Variants in CHRM3 observed in about 807,000 individuals in gnomAD.
CHRM3 encodes the protein cholinergic receptor muscarinic 3.
A neutral mutation model predicts 41.8 loss-of-function variants in CHRM3; 11 were observed. The ratio of observed to expected loss-of-function variants is 0.26; its 90% CI spans 0.17 to 0.44. The LOEUF is 0.44. Among genes scored for constraint, CHRM3 ranks in the 20% least tolerant of loss-of-function variants. CHRM3 has a pLI of 1.00. For synonymous variants in CHRM3, 297 were observed against 301.4 expected, an observed-to-expected ratio of 0.99 and a Z score of 0.15; for missense variants, 571 against 745.4, an observed-to-expected ratio of 0.77 and a Z score of 2.72.
chr1:239,572,733 C>G (rs1558329671), intron 3 of CHRM3, among the ~76,000 whole-genome samples: 1 of 152,090 alleles, frequency 6.6e-6, no homozygotes, highest in Non-Finnish European at 1.5e-5. Flanking sequence ...AATAGTGACA[C>G]TAAATGTCAG....
chr1:239,661,294 C>T (rs1298688661), intron 4 of CHRM3, among the ~76,000 whole-genome samples: 1 of 152,238 alleles, frequency 6.6e-6, no homozygotes, highest in Admixed American at 6.5e-5. Context: ...ACCAAGCTGT[C>T]TGCTCCTTTG....
chr1:239,478,296 C>A (rs75732623), intron 1 of CHRM3, among the ~76,000 whole-genome samples: 3,151 of 152,276 alleles, frequency 0.021, 79 homozygotes, highest in African/African-American at 0.053. Context: ...GGAGTGTACT[C>A]ATTTCTGGGA....
At chr1:239,512,785 G>A (rs546770406) in intron 2 of CHRM3, among the ~76,000 whole-genome samples, 1 of 151,338 alleles carries the variant, frequency 6.6e-6, no homozygotes, top group East Asian at 1.9e-4. Context: ...TTCATATTTT[G>A]TGTAGTTTTA....
intron 4 of CHRM3, among the ~76,000 whole-genome samples, chr1:239,632,959 G>C (rs1262570476): frequency 6.6e-6 from 1 of 152,128 alleles, no homozygotes; most frequent in Non-Finnish European, 1.5e-5. Flanking sequence ...AAGGCGAAGG[G>C]GAAGCAAGCC....
At chr1:239,473,657 A>G (rs1245552198) in intron 1 of CHRM3, among the ~76,000 whole-genome samples, 1 of 152,156 alleles carries the variant, frequency 6.6e-6, no homozygotes, top group Non-Finnish European at 1.5e-5. Flanking sequence ...GAAGATAGGT[A>G]AACTGTGGCG....
intron 1 of CHRM3, among the ~76,000 whole-genome samples, chr1:239,429,213 G>A (rs1662630347): frequency 1.3e-5 from 2 of 152,114 alleles, no homozygotes; most frequent in South Asian, 2.1e-4. Context: ...CTTTTTGCAT[G>A]TCTAACAACT....
chr1:239,615,798 C>A (rs1021104909), intron 3 of CHRM3, among the ~76,000 whole-genome samples: 1 of 152,158 alleles, frequency 6.6e-6, no homozygotes, highest in African/African-American at 2.4e-5. Context: ...AAAAGGAGGG[C>A]AGTCTTTAAC....
intron 1 of CHRM3, among the ~76,000 whole-genome samples, chr1:239,463,877 A>T (rs1036606237): frequency 2.0e-5 from 3 of 152,288 alleles, no homozygotes; most frequent in South Asian, 2.1e-4. Flanking sequence ...CCACCATTCT[A>T]CAATTTTATT....
At chr1:239,766,418 A>G (rs1315194366) in intron 5 of CHRM3, among the ~76,000 whole-genome samples, 2 of 152,106 alleles carry the variant, frequency 1.3e-5, no homozygotes, top group Non-Finnish European at 2.9e-5. Context: ...AAAACAACTA[A>G]TAGATATCAG....
At chr1:239,456,610 G>C (rs560201503) in intron 1 of CHRM3, among the ~76,000 whole-genome samples, 59 of 152,292 alleles carry the variant, frequency 3.9e-4, no homozygotes, top group Non-Finnish European at 6.8e-4. Context: ...GACCGTATGT[G>C]TTTCTTACAA....
chr1:239,585,442 T>G (rs1663309826), intron 3 of CHRM3, among the ~76,000 whole-genome samples: 1 of 152,150 alleles, frequency 6.6e-6, no homozygotes, highest in Non-Finnish European at 1.5e-5. Context: ...AGTGAAGATG[T>G]GATGCATGAA....
At chr1:239,710,609 C>T (rs965153618) in intron 5 of CHRM3, among the ~76,000 whole-genome samples, 13 of 152,082 alleles carry the variant, frequency 8.5e-5, no homozygotes, top group African/African-American at 3.1e-4. Context: ...AAATTAGAAT[C>T]ATTTACTGAC....
intron 5 of CHRM3, among the ~76,000 whole-genome samples, chr1:239,786,368 A>C (rs1246458027): frequency 6.6e-6 from 1 of 152,164 alleles, no homozygotes; most frequent in African/African-American, 2.4e-5. Flanking sequence ...CATTCTAAAC[A>C]TTCCATGTGT....
chr1:239,580,704 T>TATATATATATATATATACACACAC (rs570878631), intron 3 of CHRM3, among the ~76,000 whole-genome samples: 3 of 131,072 alleles, frequency 2.3e-5, no homozygotes, highest in African/African-American at 8.6e-5. Flanking sequence ...TATATATATA[T>TATATATATATATATATACACACAC]ACACACACAC....
chr1:239,805,913 G>A (rs112326834), intron 5 of CHRM3, among the ~76,000 whole-genome samples: 5 of 152,014 alleles, frequency 3.3e-5, no homozygotes, highest in African/African-American at 9.7e-5. Context: ...TGCTTTCACG[G>A]TTTCTTCCTG....
At chr1:239,418,820 G>T (rs1362207201) in intron 1 of CHRM3, among the ~76,000 whole-genome samples, 1 of 152,174 alleles carries the variant, frequency 6.6e-6, no homozygotes, top group African/African-American at 2.4e-5. Context: ...TCAGTCATTT[G>T]AATGGTTGGT....
chr1:239,489,593 G>T (rs1398599904), intron 1 of CHRM3, among the ~76,000 whole-genome samples: 1 of 152,136 alleles, frequency 6.6e-6, no homozygotes, highest in Non-Finnish European at 1.5e-5. Flanking sequence ...TCAGTGAGCT[G>T]ATCATCTATT....
intron 1 of CHRM3, among the ~76,000 whole-genome samples, chr1:239,478,387 C>A (rs1017174883): frequency 1.3e-5 from 2 of 152,136 alleles, no homozygotes. Flanking sequence ...AATGTTGAAG[C>A]AGCAATGACT....
chr1:239,441,445 A>G (rs1180355845), intron 1 of CHRM3, among the ~76,000 whole-genome samples: 1 of 152,174 alleles, frequency 6.6e-6, no homozygotes, highest in Non-Finnish European at 1.5e-5. Context: ...CCATTGCTTC[A>G]TTTCTCATAC....
Sources: gnomAD v4.1 joint callset for allele counts (sites outside exome capture counted in the v4.1 genomes callset) on GRCh38, gnomAD v4.1.1 for gene constraint, MANE v1.5 for transcripts, NCBI Gene and HGNC (gene_info 2026-07-23, HGNC 2026-07-21) for gene names.